The following TARBP1 variants were observed in gnomAD, a reference collection of about 807,000 sequenced individuals.
TARBP1 encodes the protein tRNA (guanosine(18)-2'-O)-methyltransferase TARBP1.
Under a neutral mutation model 178.6 loss-of-function variants are expected in TARBP1, and 144 were observed. The observed-to-expected ratio is 0.81, with a 90% CI of 0.70 to 0.93. TARBP1 has a LOEUF of 0.93. Ranked by LOEUF, TARBP1 falls within the 40% of genes least tolerant of loss-of-function variation. TARBP1 has a pLI of 0.00. For missense variants in TARBP1, 2,067 were observed against 2,011.7 expected (o/e 1.03, Z -0.53); for synonymous variants, 787 against 781.0 (o/e 1.01, Z -0.13).
chr1:234,475,857 G>C (rs1321181749), intron 1 of TARBP1, among the ~76,000 whole-genome samples: 1 of 152,208 alleles, frequency 6.6e-6, no homozygotes, highest in African/African-American at 2.4e-5. Context: ...AGCTAAGCAA[G>C]TAGCCACAAA....
chr1:234,456,254 G>A (rs943283389), intron 9 of TARBP1, among the ~76,000 whole-genome samples: 25 of 152,368 alleles, frequency 1.6e-4, no homozygotes, highest in African/African-American at 5.5e-4. Flanking sequence ...ACGCTGGAGT[G>A]CAGTGGCACG....
chr1:234,458,006 T>TAA (rs56105144), intron 8 of TARBP1, among the ~76,000 whole-genome samples: 3 of 143,578 alleles, frequency 2.1e-5, no homozygotes, highest in African/African-American at 5.2e-5. Flanking sequence ...GTCACAATCT[T>TAA]AAAAAAAAAA....
chr1:234,427,731 C>A lies in TARBP1; in HGVS notation c.3096G>T (p.Lys1032Asn). The A allele has an allele frequency of 4.8e-6, 7 of 1,472,432 alleles. No homozygotes were observed. Among genetic ancestry groups the A allele is most frequent in the Non-Finnish European group, 6.3e-6 (7 of 1,114,974 alleles). The allele number at this position is 1,472,432 out of a possible 1,614,324, so 91.2% of individuals were successfully genotyped here. A position where few individuals can be genotyped will look rare whatever the true frequency, so the allele number is the denominator to read the frequency against. Reference protein sequence around the residue: ...MYKIIEMSAIKTGVFNTLISY... With the variant: ...MYKIIEMSAINTGVFNTLISY... ...TTATCAGTGTATTGAAGACTCCAGT[C>A]TTTATAGCAGACATTTCAATTATCT... Residue 1032 changes from lysine (K) to asparagine (N), a missense_variant, in exon 18 of 30, where the codon AAG becomes AAT. Coordinates refer to ENST00000040877, the MANE Select transcript of TARBP1 (RefSeq NM_005646.4).
intron 14 of TARBP1, among the ~76,000 whole-genome samples, chr1:234,432,251 G>C (rs774155678): frequency 6.6e-6 from 1 of 151,408 alleles, no homozygotes; most frequent in Non-Finnish European, 1.5e-5. Context: ...AGACCACCCT[G>C]GCCAACATGG....
intron 25 of TARBP1, chr1:234,400,868 C>T (rs1371864099): frequency 2.0e-5 from 4 of 198,860 alleles, no homozygotes; most frequent in Non-Finnish European, 3.1e-5. Context: ...CAAATGTTCT[C>T]ACTCATTTCC....
chr1:234,458,130 G>A (rs1237561663), intron 8 of TARBP1, among the ~76,000 whole-genome samples: 1 of 152,140 alleles, frequency 6.6e-6, no homozygotes, highest in East Asian at 1.9e-4. Flanking sequence ...GATCACCTGA[G>A]GTCAGGAGTT....
At chr1:234,469,157 T>G (rs944071711) in intron 3 of TARBP1, among the ~76,000 whole-genome samples, 2 of 148,980 alleles carry the variant, frequency 1.3e-5, no homozygotes, top group African/African-American at 2.5e-5. Context: ...TAAATATTTA[T>G]TCAGTAAATA....
At chr1:234,400,100 A>G (rs1489140234) in intron 25 of TARBP1, among the ~76,000 whole-genome samples, 1 of 152,202 alleles carries the variant, frequency 6.6e-6, no homozygotes, top group Non-Finnish European at 1.5e-5. Context: ...ATGAACAATT[A>G]AGCCCCATTA....
At chr1:234,457,358 G>A (rs577302741) in intron 9 of TARBP1, among the ~76,000 whole-genome samples, 1 of 152,296 alleles carries the variant, frequency 6.6e-6, no homozygotes, top group South Asian at 2.1e-4. Flanking sequence ...GTCACTTACT[G>A]TGTTTGAGTC....
Position 234,437,384 on chromosome 1 carries a change from CA to C in TARBP1, c.2135-13del. ...AGTAGACACCTCATCTGTATGGGGG[CA>C]AAAAGCATGCAACTAAAATGACAGC... On this transcript the variant is annotated splice_polypyrimidine_tract_variant and intron_variant, in intron 12 of 29. Coordinates refer to ENST00000040877, the MANE Select transcript of TARBP1 (RefSeq NM_005646.4). 1 of 1,401,070 alleles carries C rather than the reference CA, an allele frequency of 7.1e-7. No individual in the cohort carries two copies. The highest frequency in any genetic ancestry group is 9.8e-7 in the Non-Finnish European group (1 of 1,022,994). The allele number at this position is 1,401,070 out of a possible 1,614,324, so 86.8% of individuals were successfully genotyped here. A position where few individuals can be genotyped will look rare whatever the true frequency, so the allele number is the denominator to read the frequency against.
At chr1:234,393,328 T>G (rs1472325592) in intron 28 of TARBP1, 34 bp downstream of exon 28, 1 of 1,439,326 alleles carries the variant, frequency 6.9e-7, no homozygotes, top group Non-Finnish European at 9.2e-7. Context: ...GGGCTTGTTT[T>G]AAGAACTTTA....
intron 4 of TARBP1, among the ~76,000 whole-genome samples, chr1:234,466,912 G>C (rs1372780904): frequency 6.6e-6 from 1 of 152,038 alleles, no homozygotes; most frequent in Non-Finnish European, 1.5e-5. Flanking sequence ...ATTGACTTAG[G>C]TCACCTCTAA....
At chr1:234,401,338 TA>T in intron 24 of TARBP1, 76 bp from the exon 25 acceptor site, 1 of 1,130,924 alleles carries the variant, frequency 8.8e-7, no homozygotes, top group Non-Finnish European at 1.3e-6. Flanking sequence ...TTCAGTATCT[TA>T]AAGGGTGGCT....
At chr1:234,478,102 A>C in intron 1 of TARBP1, 71 bp downstream of exon 1, 1 of 1,475,674 alleles carries the variant, frequency 6.8e-7, no homozygotes, top group Non-Finnish European at 9.3e-7. Context: ...GCTAGTTTTT[A>C]GAAGCAGGAA....
In TARBP1 at chr1:234,455,123, A is replaced by G. The variant is rs556507349; in HGVS notation, c.1722+2544T>C. Among the ~76,000 whole-genome samples the G allele has an allele frequency of 5.3e-5, 8 of 152,340 alleles. No individual in the cohort carries two copies. In the South Asian group the frequency reaches 1.7e-3, roughly 32 times the overall value. On this transcript the variant is annotated intron_variant, in intron 9 of 29. Transcript: ENST00000040877. ...CCCTACAAGGAAGCACAAGCCAGCC[A>G]GAATCTTAATTGCAGACGAGTGAAA...
In TARBP1 at chr1:234,420,736, T is replaced by C; in HGVS notation, c.3521A>G (p.Gln1174Arg). 1 of 1,612,848 alleles carries C rather than the reference T, an allele frequency of 6.2e-7. No individual in the cohort carries two copies. ...LQHRVKNRVW[Q>R]TLLVLFPRLD... is the part of the protein sequence containing the mutation. Reference sequence around the variant, plus strand: ...TCTAGGGAAAAGTACCAGCAGAGTCTGCCACACTCGGTTTTTCACTCTGTG... The same window carrying C: ...TCTAGGGAAAAGTACCAGCAGAGTCCGCCACACTCGGTTTTTCACTCTGTG... Residue 1174 changes from glutamine (Q) to arginine (R), a missense_variant, in exon 21 of 30, where the codon CAG becomes CGG. Coordinates refer to ENST00000040877, the MANE Select transcript of TARBP1 (RefSeq NM_005646.4).
chr1:234,425,173 C>T (rs1470874333), intron 20 of TARBP1, among the ~76,000 whole-genome samples: 1 of 151,706 alleles, frequency 6.6e-6, no homozygotes, highest in Admixed American at 6.6e-5. Flanking sequence ...TGCAGTGAGC[C>T]GAGATCCCAG....
intron 4 of TARBP1, among the ~76,000 whole-genome samples, chr1:234,465,947 A>G (rs1410490704): frequency 6.6e-6 from 1 of 152,188 alleles, no homozygotes; most frequent in African/African-American, 2.4e-5. Context: ...GCCATACTAA[A>G]AAGAGAGTTC....
At chr1:234,452,949 A>G (rs1295939595) in intron 9 of TARBP1, among the ~76,000 whole-genome samples, 1 of 152,238 alleles carries the variant, frequency 6.6e-6, no homozygotes, top group Admixed American at 6.5e-5. Flanking sequence ...ACTAAGTGGA[A>G]GAGCCAATCT....
Sources: allele counts gnomAD v4.1 joint callset (sites outside exome capture counted in the v4.1 genomes callset), GRCh38; gene constraint gnomAD v4.1.1; transcripts MANE v1.5; gene names NCBI Gene and HGNC (gene_info 2026-07-23, HGNC 2026-07-21).